DHX9: variants seen among roughly 807,000 people sequenced by gnomAD.
DHX9 encodes the protein DExH-box helicase 9.
DHX9 carries 27 observed loss-of-function variants against 148.7 expected under a neutral mutation model. That is an observed-to-expected ratio of 0.18 (90% CI 0.13 to 0.25). The LOEUF (loss-of-function observed/expected upper bound fraction) is 0.25. Among genes scored for constraint, DHX9 ranks in the 10% least tolerant of loss-of-function variants. The pLI is 1.00. For missense variants in DHX9, 796 were observed against 1,559.6 expected, an observed-to-expected ratio of 0.51 and a Z score of 8.25; for synonymous variants, 529 against 516.6, an observed-to-expected ratio of 1.02 and a Z score of -0.33.
Position 182,859,905 on chromosome 1 carries a change from A to G in DHX9, c.1141-88A>G, listed in dbSNP as rs371474515. The G allele has an allele frequency of 1.6e-5, 22 of 1,335,974 alleles. No homozygotes were observed. In the Middle Eastern group the frequency reaches 8.2e-4, roughly 50 times the overall value. The allele number at this position is 1,335,974 out of a possible 1,614,324, so 82.8% of individuals were successfully genotyped here. A position where few individuals can be genotyped will look rare whatever the true frequency, so the allele number is the denominator to read the frequency against. On this transcript the variant is annotated intron_variant, in intron 11 of 27. Transcript: ENST00000367549. ...AGGCGTGAGCCACCGCGCCCAGTCTATAGAGATGGAAGTTTTTTAAAGGAT... is the reference window on the plus strand; with the variant it reads ...AGGCGTGAGCCACCGCGCCCAGTCTGTAGAGATGGAAGTTTTTTAAAGGAT...
At chr1:182,865,015 G>T (rs1017057606) in intron 12 of DHX9, among the ~76,000 whole-genome samples, 5 of 152,118 alleles carry the variant, frequency 3.3e-5, no homozygotes, top group African/African-American at 1.2e-4. Context: ...CACCTCAGAA[G>T]AGTCAAATAT....
intron 16 of DHX9, 192 bp downstream of exon 16, chr1:182,875,146 A>G (rs1557976889): frequency 8.1e-6 from 5 of 620,078 alleles, no homozygotes; most frequent in Admixed American, 2.1e-5. Flanking sequence ...GCTGTTTTCT[A>G]TCACAAGTTA....
rs1257952289 is a variant in DHX9, at chr1:182,852,360, C to G, written c.364+16C>G. On this transcript the variant is annotated intron_variant, in intron 4 of 27. Coordinates refer to ENST00000367549, the MANE Select transcript of DHX9 (RefSeq NM_001357.5). ...CTCAAAGCAGGTAAGGGACTTGAAT[C>G]CATGCACGTGGTGGAGAATAAGATA... The G allele has an allele frequency of 5.8e-6, 9 of 1,541,036 alleles. No homozygotes were observed. Among genetic ancestry groups the G allele is most frequent in the Non-Finnish European group, 7.1e-6 (8 of 1,122,402 alleles).
At chr1:182,861,635 A>G (rs779629979) in intron 12 of DHX9, among the ~76,000 whole-genome samples, 6 of 152,236 alleles carry the variant, frequency 3.9e-5, no homozygotes, top group Non-Finnish European at 7.3e-5. Flanking sequence ...AGTTGTCTGC[A>G]TGTCATAAAT....
intron 14 of DHX9, among the ~76,000 whole-genome samples, chr1:182,869,124 A>C (rs1463016806): frequency 6.6e-6 from 1 of 152,200 alleles, no homozygotes; most frequent in African/African-American, 2.4e-5. Context: ...AGCTTAAGCA[A>C]CTTAAGATGT....
At chr1:182,845,318 T>C (rs1296250012) in intron 3 of DHX9, among the ~76,000 whole-genome samples, 1 of 152,096 alleles carries the variant, frequency 6.6e-6, no homozygotes, top group Non-Finnish European at 1.5e-5. Context: ...TGACAAATTC[T>C]CTTATTCTCT....
chr1:182,851,307 A>G (rs1246561420), intron 3 of DHX9, among the ~76,000 whole-genome samples: 2 of 152,240 alleles, frequency 1.3e-5, no homozygotes, highest in African/African-American at 2.4e-5. Flanking sequence ...CCTAAGAGAC[A>G]ATTGGAAATT....
At chr1:182,860,263 T>C (rs1668336171) in intron 12 of DHX9, 79 bp downstream of exon 12, 10 of 1,199,036 alleles carry the variant, frequency 8.3e-6, no homozygotes, top group Non-Finnish European at 1.0e-5. Context: ...ATTTTTGTAA[T>C]TATTTAAGAT....
intron 3 of DHX9, among the ~76,000 whole-genome samples, chr1:182,844,267 A>G (rs1324572213): frequency 6.6e-6 from 1 of 152,238 alleles, no homozygotes; most frequent in Admixed American, 6.5e-5. Flanking sequence ...GTCCTTATAT[A>G]ACAAAATAGT....
chr1:182,862,497 A>G (rs529425279), intron 12 of DHX9, among the ~76,000 whole-genome samples: 1 of 152,336 alleles, frequency 6.6e-6, no homozygotes, highest in South Asian at 2.1e-4. Context: ...ATATTAATGT[A>G]ATTTTATCAA....
At chr1:182,882,401 C>CA (rs1419117217) in intron 24 of DHX9, among the ~76,000 whole-genome samples, 1 of 152,178 alleles carries the variant, frequency 6.6e-6, no homozygotes, top group African/African-American at 2.4e-5. Context: ...GCTAAGTACT[C>CA]AAAGTGTAGA....
chr1:182,852,113 A>C (rs887510957), intron 3 of DHX9, 120 bp from the exon 4 acceptor site: 4 of 597,764 alleles, frequency 6.7e-6, no homozygotes, highest in South Asian at 4.6e-5. Flanking sequence ...CTCTAAACAA[A>C]GATGGTAATA....
chr1:182,858,517 G>A, intron 8 of DHX9, 34 bp from the exon 9 acceptor site: 2 of 1,539,442 alleles, frequency 1.3e-6, no homozygotes, highest in Non-Finnish European at 1.8e-6. Flanking sequence ...GTAGATTTGA[G>A]TAGTGTTGTT....
chr1:182,840,684 A>C (rs1667909216), intron 1 of DHX9, among the ~76,000 whole-genome samples: 2 of 152,190 alleles, frequency 1.3e-5, no homozygotes. Flanking sequence ...AGGGATAGTG[A>C]TCTTACCTGT....
Position 182,883,913 on chromosome 1 carries a change from G to A in DHX9, c.3260+278G>A, listed in dbSNP as rs764093696. On this transcript the variant is annotated intron_variant, in intron 26 of 27. Transcript: ENST00000367549. ...GATTCAAAACTAGTGGTAAGCACTG[G>A]GCAAAAATGGAATAGAGCTTAATGG... is the stretch of plus-strand genomic sequence containing the variant. Among the ~76,000 whole-genome samples the A allele has an allele frequency of 6.6e-4, 101 of 152,006 alleles. 1 individual carries two copies. Among genetic ancestry groups the A allele is most frequent in the Non-Finnish European group, 1.0e-3 (70 of 67,994 alleles).
chr1:182,872,502 G>A lies in DHX9; in HGVS notation c.1714+9G>A. 1.2e-6 allele frequency: 2 copies of A among 1,611,634 alleles called. No individual in the cohort carries two copies. The stretch of plus-strand genomic sequence containing the variant: ...GACTTACCCAGTTCAAGGTAATATT[G>A]TGGGGGTGGTATAGGAACATCTTTT... On this transcript the variant is annotated intron_variant, in intron 15 of 27. Coordinates refer to ENST00000367549, the MANE Select transcript of DHX9 (RefSeq NM_001357.5).
intron 4 of DHX9, 109 bp downstream of exon 4, chr1:182,852,453 T>A (rs902989819): frequency 1.0e-5 from 7 of 695,290 alleles, no homozygotes; most frequent in Non-Finnish European, 1.6e-5. Flanking sequence ...ACTCTTGATG[T>A]TAAGAGACAA....
chr1:182,879,343 A>G lies in DHX9; in HGVS notation c.2445A>G (p.Gln815=), dbSNP rs375732200. 27 of 1,547,126 alleles carry G rather than the reference A, an allele frequency of 1.7e-5. No homozygotes were observed. The highest frequency in any genetic ancestry group is 2.7e-5 in the African/African-American group (2 of 74,146). ...TTCTGCGTCTAGGAGGAATTGGCCA[A>G]TTTCTGGCCAAAGCAATTGAACCTC... ...IKLLRLGGIG[Q]FLAKAIEPPP... The change falls in exon 21 of 28, where the codon CAA becomes CAG. Residue 815 remains glutamine (Q), a synonymous_variant. Transcript: ENST00000367549.
chr1:182,867,507 A>G (rs749404199), intron 14 of DHX9, among the ~76,000 whole-genome samples: 2 of 152,230 alleles, frequency 1.3e-5, no homozygotes, highest in African/African-American at 2.4e-5. Context: ...CTTTCAAGCA[A>G]TTCTCCTGCC....
Sources: allele counts gnomAD v4.1 joint callset (sites outside exome capture counted in the v4.1 genomes callset), GRCh38; gene constraint gnomAD v4.1.1; transcripts MANE v1.5; gene names NCBI Gene and HGNC (gene_info 2026-07-23, HGNC 2026-07-21).